USP32: variants seen among roughly 807,000 people sequenced by gnomAD.
The protein encoded by USP32 is ubiquitin carboxyl-terminal hydrolase 32.
USP32 carries 59 observed loss-of-function variants against 204.8 expected under a neutral mutation model. The ratio of observed to expected loss-of-function variants is 0.29; its 90% CI spans 0.23 to 0.36. The LOEUF (loss-of-function observed/expected upper bound fraction) is 0.36, where lower values mean the gene tolerates loss of function less well. USP32 is among the 10% of genes least tolerant of loss of function. USP32 has a pLI of 1.00. For missense variants in USP32, 1,160 were observed against 1,946.4 expected, an observed-to-expected ratio of 0.60 and a Z score of 7.60; for synonymous variants, 517 against 678.4, an observed-to-expected ratio of 0.76 and a Z score of 3.70.
At chr17:60,319,040 G>T (rs973483774) in intron 2 of USP32, among the ~76,000 whole-genome samples, 2 of 152,084 alleles carry the variant, frequency 1.3e-5, no homozygotes, top group Non-Finnish European at 2.9e-5. Context: ...AATTTGAATC[G>T]GCAAATTCAT....
At chr17:60,316,819 C>A (rs1312842640) in intron 2 of USP32, among the ~76,000 whole-genome samples, 1 of 151,832 alleles carries the variant, frequency 6.6e-6, no homozygotes, top group African/African-American at 2.4e-5. Flanking sequence ...CCAGCCTGGG[C>A]AAAAGAGCGA....
At chr17:60,208,575 A>T (rs1355532515) in intron 23 of USP32, 79 bp downstream of exon 23, 2 of 1,441,004 alleles carry the variant, frequency 1.4e-6, no homozygotes, top group Non-Finnish European at 1.8e-6. Context: ...TAAACAAATA[A>T]CTATGCTTAC....
At chr17:60,250,474 A>T (rs968786194) in intron 11 of USP32, among the ~76,000 whole-genome samples, 1 of 152,156 alleles carries the variant, frequency 6.6e-6, no homozygotes, top group Non-Finnish European at 1.5e-5. Context: ...CTAAGAAAAA[A>T]AGTCACTATA....
intron 30 of USP32, among the ~76,000 whole-genome samples, chr17:60,184,153 AAC>A (rs1309769743): frequency 6.6e-6 from 1 of 151,790 alleles, no homozygotes; most frequent in Non-Finnish European, 1.5e-5. Flanking sequence ...ATAAATAAAA[AAC>A]ACACAAAAAA....
intron 2 of USP32, among the ~76,000 whole-genome samples, chr17:60,301,948 A>G (rs1163305445): frequency 6.6e-6 from 1 of 152,148 alleles, no homozygotes; most frequent in African/African-American, 2.4e-5. Flanking sequence ...TTTCAACTTT[A>G]CAATGGTGTG....
intron 1 of USP32, among the ~76,000 whole-genome samples, chr17:60,402,365 C>T (rs1598318629): frequency 2.0e-5 from 3 of 151,564 alleles, no homozygotes; most frequent in Admixed American, 2.0e-4. Context: ...ATTCTCCCAC[C>T]TCAGCCTCCT....
At chr17:60,228,279 G>A (rs550601824) in intron 12 of USP32, among the ~76,000 whole-genome samples, 1 of 152,114 alleles carries the variant, frequency 6.6e-6, no homozygotes, top group South Asian at 2.1e-4. Context: ...GCCTCCCAGT[G>A]TGCTGGGATT....
At position 60,211,407 on chromosome 17, in the gene USP32, T is replaced by C. The variant is rs1452043295; in HGVS notation, c.2287A>G (p.Ile763Val). Residue 763 changes from isoleucine (I) to valine (V), a missense_variant, in exon 20 of 34, where the codon ATC becomes GTC. This residue lies in a region of USP32 where 132 missense variants were observed against 432.8 expected (regional missense o/e 0.30). Coordinates refer to ENST00000300896, the MANE Select transcript of USP32 (RefSeq NM_032582.4). ...SNTQPLTQYF[I>V]SGRHLYELNR... ...AGTTCATAAAGATGTCTCCCTGAGATAAAATACTGTGTCAGTGGCTGTGTG... is the reference window on the plus strand; with the variant it reads ...AGTTCATAAAGATGTCTCCCTGAGACAAAATACTGTGTCAGTGGCTGTGTG... The C allele has an allele frequency of 5.0e-6, 8 of 1,612,954 alleles. No homozygotes were observed. The highest frequency in any genetic ancestry group is 6.8e-6 in the Non-Finnish European group (8 of 1,179,588).
Position 60,307,890 on chromosome 17 carries a change from C to T in USP32, c.187-6186G>A, listed in dbSNP as rs75196869. On this transcript the variant is annotated intron_variant, in intron 2 of 33. Transcript: ENST00000300896. Reference sequence around the variant, plus strand: ...TGAGAGGAACATATCAGCAGAAGAACGCACAAGTGGCTGGACGTCCAGAGG... The same window carrying T: ...TGAGAGGAACATATCAGCAGAAGAATGCACAAGTGGCTGGACGTCCAGAGG... Among the ~76,000 whole-genome samples, 15 of 152,294 alleles carry T rather than the reference C, an allele frequency of 9.8e-5. No homozygotes were observed. The East Asian group carries it at 2.7e-3, about 27-fold the overall frequency.
At chr17:60,353,566 C>A (rs536800596) in intron 1 of USP32, among the ~76,000 whole-genome samples, 1 of 152,174 alleles carries the variant, frequency 6.6e-6, no homozygotes, top group African/African-American at 2.4e-5. Flanking sequence ...CACGGAGAAA[C>A]ACCATCTCTA....
At position 60,227,577 on chromosome 17, in the gene USP32, C is replaced by CTT. The variant is rs1488979608; in HGVS notation, c.1240-1348_1240-1347dup. On this transcript the variant is annotated intron_variant, in intron 12 of 33. Coordinates refer to ENST00000300896, the MANE Select transcript of USP32 (RefSeq NM_032582.4). Reference sequence around the variant, plus strand: ...GAGCCACCATGCCCATTCAGTTTTTCTTTTCTTTTTTTTTTTTTTGAGACA... The same window carrying CTT: ...GAGCCACCATGCCCATTCAGTTTTTCTTTTTTCTTTTTTTTTTTTTTGAGACA... Among the ~76,000 whole-genome samples, 185 of 147,552 alleles carry CTT rather than the reference C, an allele frequency of 1.3e-3. 1 individual carries two copies. Among genetic ancestry groups the CTT allele is most frequent in the African/African-American group, 4.3e-3 (172 of 40,252 alleles).
chr17:60,392,047 G>GCCCCCACCT lies in USP32; in HGVS notation c.-117_-109dup. ...GACGGTGACGGTGTCGGCGTCCCCCGCCCCCACCTCCCCCCACACTAACAA... is the reference window on the plus strand; with the variant it reads ...GACGGTGACGGTGTCGGCGTCCCCCGCCCCCACCTCCCCCACCTCCCCCCACACTAACAA... On this transcript the variant is annotated 5_prime_UTR_variant, in exon 1 of 34. Coordinates refer to ENST00000300896, the MANE Select transcript of USP32 (RefSeq NM_032582.4). 1 of 1,187,552 alleles carries GCCCCCACCT rather than the reference G, an allele frequency of 8.4e-7. No individual in the cohort carries two copies. Among genetic ancestry groups the GCCCCCACCT allele is most frequent in the Non-Finnish European group, 1.1e-6 (1 of 894,700 alleles). 73.6% of individuals were successfully genotyped at this position (1,187,552 alleles called of 1,614,324 possible).
chr17:60,191,571 G>A (rs2084382716), intron 28 of USP32, among the ~76,000 whole-genome samples: 1 of 151,280 alleles, frequency 6.6e-6, no homozygotes, highest in South Asian at 2.1e-4. Context: ...GTGCAGTGGT[G>A]CGATCTGAGC....
At chr17:60,328,293 T>C (rs1314617147) in intron 2 of USP32, among the ~76,000 whole-genome samples, 1 of 152,134 alleles carries the variant, frequency 6.6e-6, no homozygotes, top group African/African-American at 2.4e-5. Flanking sequence ...CCTTCTCTGC[T>C]GAGAGCTGGA....
At chr17:60,421,297 C>A in intron 1 of USP32, 1 of 877,420 alleles carries the variant, frequency 1.1e-6, no homozygotes, top group African/African-American at 1.8e-5. Flanking sequence ...AACATGCTGG[C>A]ATAGAGGACA....
intron 5 of USP32, among the ~76,000 whole-genome samples, chr17:60,275,624 C>G (rs2086821926): frequency 6.6e-6 from 1 of 151,898 alleles, no homozygotes; most frequent in South Asian, 2.1e-4. Flanking sequence ...ATTTATTTTT[C>G]CTGTTAGGTC....
intron 33 of USP32, 124 bp downstream of exon 33, chr17:60,180,421 A>G (rs2084076567): frequency 4.6e-6 from 5 of 1,076,192 alleles, no homozygotes; most frequent in African/African-American, 1.6e-5. Context: ...GACAGCATCT[A>G]TATATTGATT....
In USP32 at chr17:60,217,537, C is replaced by T. The variant is rs60882432; in HGVS notation, c.1867+2133G>A. Among the ~76,000 whole-genome samples the T allele has an allele frequency of 2.1e-3, 324 of 152,048 alleles. 1 individual carries two copies. Among genetic ancestry groups the T allele is most frequent in the African/African-American group, 7.5e-3 (310 of 41,478 alleles). On this transcript the variant is annotated intron_variant, in intron 16 of 33. Coordinates refer to ENST00000300896, the MANE Select transcript of USP32 (RefSeq NM_032582.4). ...CTCGAACTCCTGACCTCTGGTGATT[C>T]AGCAGCCTCGGCCTCCCAAAGTGCT...
In USP32 at chr17:60,180,696, T is replaced by C; in HGVS notation, c.4549-59A>G. 3 of 1,510,876 alleles carry C rather than the reference T, an allele frequency of 2.0e-6. No homozygotes were observed. In the South Asian group the frequency reaches 3.4e-5, roughly 17 times the overall value. The allele number at this position is 1,510,876 out of a possible 1,614,324, so 93.6% of individuals were successfully genotyped here. ...AGTTAACTGTACTATGGCCAGGGTATAGCACTAGGATCTGAGCAGGAGAAC... is the reference window on the plus strand; with the variant it reads ...AGTTAACTGTACTATGGCCAGGGTACAGCACTAGGATCTGAGCAGGAGAAC... On this transcript the variant is annotated intron_variant, in intron 32 of 33. Transcript: ENST00000300896.
Sources: allele counts gnomAD v4.1 joint callset (sites outside exome capture counted in the v4.1 genomes callset), GRCh38; gene constraint gnomAD v4.1.1; regional missense constraint gnomAD v4.1.1; transcripts MANE v1.5; gene names NCBI Gene and HGNC (gene_info 2026-07-23, HGNC 2026-07-21).